The following CNOT6L variants were observed in gnomAD, a reference collection of about 807,000 sequenced individuals.
CNOT6L encodes CCR4-NOT transcription complex subunit 6 like.
Under a neutral mutation model 64.0 loss-of-function variants are expected in CNOT6L, and 7 were observed. The ratio of observed to expected loss-of-function variants is 0.11; its 90% CI spans 0.06 to 0.21. The LOEUF (loss-of-function observed/expected upper bound fraction) is 0.21. Among genes scored for constraint, CNOT6L ranks in the 10% least tolerant of loss-of-function variants. The probability of loss-of-function intolerance (pLI) is 1.00; values close to 1 mark genes in which losing one functional copy is unlikely to be tolerated. For synonymous variants in CNOT6L, 193 were observed against 243.4 expected (o/e 0.79, Z 1.93); for missense variants, 245 against 669.0 (o/e 0.37, Z 6.99).
At chr4:77,757,332 A>G (rs1363375446) in intron 4 of CNOT6L, among the ~76,000 whole-genome samples, 1 of 152,202 alleles carries the variant, frequency 6.6e-6, no homozygotes, top group African/African-American at 2.4e-5. Flanking sequence ...AGAATGAGTG[A>G]TATCTTAAAA....
chr4:77,804,434 A>C (rs1006938801), intron 1 of CNOT6L, among the ~76,000 whole-genome samples: 4 of 152,160 alleles, frequency 2.6e-5, no homozygotes, highest in Non-Finnish European at 5.9e-5. Flanking sequence ...ATCTCAAAAA[A>C]AAAAAAAAAG....
rs1330239401 is a variant in CNOT6L at position 77,726,124 on chromosome 4, T to C, written c.1455+43A>G. ...TTACACCTTTTTTGTTACATGCTTG[T>C]ATCTGAAATAATTTCTACACCTGCC... On this transcript the variant is annotated intron_variant, in intron 11 of 11. Transcript: ENST00000504123. 3 of 1,517,988 alleles carry C rather than the reference T, an allele frequency of 2.0e-6. No homozygotes were observed. In the African/African-American group the frequency reaches 4.1e-5, roughly 21 times the overall value. The allele number at this position is 1,517,988 out of a possible 1,614,324, so 94.0% of individuals were successfully genotyped here.
At chr4:77,736,431 A>G (rs1285293923) in intron 8 of CNOT6L, among the ~76,000 whole-genome samples, 1 of 152,242 alleles carries the variant, frequency 6.6e-6, no homozygotes, top group South Asian at 2.1e-4. Context: ...TAATAAATTT[A>G]CAATATAGTA....
chr4:77,786,988 G>A (rs987545881), intron 1 of CNOT6L, among the ~76,000 whole-genome samples: 12 of 151,964 alleles, frequency 7.9e-5, no homozygotes, highest in Admixed American at 1.3e-4. Flanking sequence ...AAATGAGGCC[G>A]GGCGCAGTGG....
At chr4:77,812,400 T>C (rs1733049911) in intron 1 of CNOT6L, among the ~76,000 whole-genome samples, 1 of 149,746 alleles carries the variant, frequency 6.7e-6, no homozygotes, top group African/African-American at 2.5e-5. Flanking sequence ...ACAGTGCCAT[T>C]GCACTCCAGC....
At chr4:77,796,421 C>G (rs1687036870) in intron 1 of CNOT6L, among the ~76,000 whole-genome samples, 1 of 151,842 alleles carries the variant, frequency 6.6e-6, no homozygotes, top group African/African-American at 2.4e-5. Context: ...ATAGTGAGTT[C>G]TCATTAGAGA....
At chr4:77,743,959 A>G (rs904237741) in intron 7 of CNOT6L, among the ~76,000 whole-genome samples, 3 of 152,192 alleles carry the variant, frequency 2.0e-5, no homozygotes, top group Non-Finnish European at 4.4e-5. Flanking sequence ...GAGTTGATGA[A>G]TATGTTAATT....
At chr4:77,760,578 A>T (rs1185921382) in intron 4 of CNOT6L, among the ~76,000 whole-genome samples, 10 of 148,200 alleles carry the variant, frequency 6.7e-5, no homozygotes, top group Non-Finnish European at 1.4e-4. Flanking sequence ...AATAAAATTA[A>T]AAAAAAAAAT....
intron 4 of CNOT6L, among the ~76,000 whole-genome samples, chr4:77,769,711 GTTAA>G (rs1727322521): frequency 1.3e-5 from 2 of 152,134 alleles, no homozygotes; most frequent in African/African-American, 2.4e-5. Context: ...TAAAATGCAT[GTTAA>G]TTATTCTTTT....
intron 3 of CNOT6L, among the ~76,000 whole-genome samples, chr4:77,773,453 T>A (rs893991062): frequency 6.6e-6 from 1 of 152,152 alleles, no homozygotes; most frequent in Non-Finnish European, 1.5e-5. Flanking sequence ...ATCTACCCCC[T>A]TTTTTCTCAC....
At chr4:77,784,839 T>A (rs1330130699) in intron 1 of CNOT6L, among the ~76,000 whole-genome samples, 5 of 152,176 alleles carry the variant, frequency 3.3e-5, no homozygotes, top group Non-Finnish European at 7.3e-5. Flanking sequence ...ATACGTACAT[T>A]TTCATCTTTT....
chr4:77,743,597 T>C (rs1199884186), intron 7 of CNOT6L, among the ~76,000 whole-genome samples: 1 of 82,694 alleles, frequency 1.2e-5, no homozygotes, highest in Non-Finnish European at 2.7e-5. Flanking sequence ...TTTTTTTTTT[T>C]TTTTTTTTTT....
At chr4:77,767,062 CAAAAA>C (rs56926683) in intron 4 of CNOT6L, among the ~76,000 whole-genome samples, 3 of 25,968 alleles carry the variant, frequency 1.2e-4, no homozygotes, top group East Asian at 1.4e-3. Context: ...AACTCCGTCT[CAAAAA>C]AAAAAAAAAA....
intron 4 of CNOT6L, among the ~76,000 whole-genome samples, chr4:77,770,899 A>G (rs1456799700): frequency 6.6e-6 from 1 of 152,264 alleles, no homozygotes; most frequent in Non-Finnish European, 1.5e-5. Context: ...GTTGATACTT[A>G]GTACAAATTT....
intron 1 of CNOT6L, among the ~76,000 whole-genome samples, chr4:77,795,174 C>G (rs1275186448): frequency 1.3e-5 from 2 of 151,778 alleles, no homozygotes; most frequent in Admixed American, 6.6e-5. Context: ...CATGCGCCAC[C>G]ACGGCTGGCT....
chr4:77,820,000 C>A (rs1034355339), upstream of CNOT6L, among the ~76,000 whole-genome samples: 1 of 152,070 alleles, frequency 6.6e-6, no homozygotes, highest in Non-Finnish European at 1.5e-5. Context: ...GGCTACTGCT[C>A]CGAGAGCCAC....
intron 1 of CNOT6L, among the ~76,000 whole-genome samples, chr4:77,785,565 A>C (rs990542727): frequency 2.0e-5 from 3 of 152,220 alleles, no homozygotes; most frequent in African/African-American, 7.2e-5. Flanking sequence ...AAAACAAAAT[A>C]ATAAAGCAAT....
rs1456396297 is a variant in CNOT6L, at chr4:77,719,413, C to G, written c.*1018G>C. On this transcript the variant is annotated 3_prime_UTR_variant, in exon 12 of 12. Transcript: ENST00000504123. ...TTGCACTGTCATCTCAAGAAACCAACAGCCACATAATCTATGTTGGAAACA... is the reference window on the plus strand; with the variant it reads ...TTGCACTGTCATCTCAAGAAACCAAGAGCCACATAATCTATGTTGGAAACA... 1 of 152,658 alleles carries G rather than the reference C, an allele frequency of 6.6e-6. No individual in the cohort carries two copies. 9.5% of individuals were successfully genotyped at this position (152,658 alleles called of 1,614,324 possible).
At chr4:77,737,406 C>CTTTTTTTTTTTTTTT (rs56952956) in intron 8 of CNOT6L, among the ~76,000 whole-genome samples, 3 of 82,380 alleles carry the variant, frequency 3.6e-5, no homozygotes, top group African/African-American at 1.4e-4. Context: ...TTGTACCGTT[C>CTTTTTTTTTTTTTTT]TTTTTTTTTT....
Sources: allele counts gnomAD v4.1 joint callset (sites outside exome capture counted in the v4.1 genomes callset), GRCh38; gene constraint gnomAD v4.1.1; transcripts MANE v1.5; gene names NCBI Gene and HGNC (gene_info 2026-07-23, HGNC 2026-07-21).